Variants in SORBS2 observed in about 807,000 individuals in gnomAD.
The protein encoded by SORBS2 is sorbin and SH3 domain containing 2, also known as sorbin and SH3 domain-containing protein 2.
SORBS2 carries 46 observed loss-of-function variants against 97.7 expected under a neutral mutation model. The ratio of observed to expected loss-of-function variants is 0.47; its 90% confidence interval spans 0.37 to 0.60. The LOEUF is 0.60. Among genes scored for constraint, SORBS2 ranks in the 20% least tolerant of loss-of-function variants. The pLI is 0.00. For synonymous variants in SORBS2, 476 were observed against 473.4 expected, an observed-to-expected ratio of 1.01 and a Z score of -0.07; for missense variants, 1,316 against 1,282.3, an observed-to-expected ratio of 1.03 and a Z score of -0.40.
At chr4:185,785,281 T>C (rs80179122) in intron 1 of SORBS2, among the ~76,000 whole-genome samples, 2,262 of 152,020 alleles carry the variant, frequency 0.015, 21 homozygotes, top group Admixed American at 0.026. Flanking sequence ...GTGAATGCTG[T>C]CAGTCATAAT....
chr4:185,675,903 G>A (rs912825941), intron 4 of SORBS2, among the ~76,000 whole-genome samples: 2 of 152,056 alleles, frequency 1.3e-5, no homozygotes, highest in African/African-American at 2.4e-5. Flanking sequence ...TTTAAGGCTC[G>A]TCTGCTTTAT....
intron 1 of SORBS2, among the ~76,000 whole-genome samples, chr4:185,897,069 C>T (rs1051078470): frequency 6.6e-6 from 1 of 151,966 alleles, no homozygotes; most frequent in African/African-American, 2.4e-5. Flanking sequence ...CTCACTTCTG[C>T]CTTCCGGTTC....
intron 1 of SORBS2, among the ~76,000 whole-genome samples, chr4:185,788,508 A>G (rs1467025010): frequency 1.3e-5 from 2 of 152,332 alleles, no homozygotes; most frequent in East Asian, 3.9e-4. Context: ...AGATAATTAG[A>G]AAAATGACTT....
intron 1 of SORBS2, among the ~76,000 whole-genome samples, chr4:185,914,102 T>C (rs2099256797): frequency 6.6e-6 from 1 of 152,254 alleles, no homozygotes; most frequent in Non-Finnish European, 1.5e-5. Flanking sequence ...AATTCCATGA[T>C]TCTATACCTG....
chr4:185,955,736 G>A (rs1262754407), intron 1 of SORBS2, among the ~76,000 whole-genome samples: 1 of 152,080 alleles, frequency 6.6e-6, no homozygotes, highest in Admixed American at 6.5e-5. Context: ...TGTGTCCTAA[G>A]GTAGAAGAAT....
intron 4 of SORBS2, among the ~76,000 whole-genome samples, chr4:185,664,873 A>C (rs2097574245): frequency 6.6e-6 from 1 of 152,180 alleles, no homozygotes; most frequent in Admixed American, 6.5e-5. Flanking sequence ...ATCAATTTAA[A>C]AAAAAAATCT....
At chr4:185,949,789 A>G (rs760243190) in intron 1 of SORBS2, among the ~76,000 whole-genome samples, 4 of 152,198 alleles carry the variant, frequency 2.6e-5, no homozygotes, top group South Asian at 2.1e-4. Flanking sequence ...TCTGAGACCT[A>G]TTTGGGAACT....
At chr4:185,708,653 C>T (rs1025574021) in intron 2 of SORBS2, among the ~76,000 whole-genome samples, 28 of 152,078 alleles carry the variant, frequency 1.8e-4, no homozygotes, top group Admixed American at 1.6e-3. Context: ...CCCTTCTTTC[C>T]GCCCTCCGTG....
intron 1 of SORBS2, among the ~76,000 whole-genome samples, chr4:185,916,409 G>C (rs1008841550): frequency 1.3e-5 from 2 of 152,122 alleles, no homozygotes; most frequent in African/African-American, 4.8e-5. Context: ...TGCCTGTCAC[G>C]CCCACAGTTG....
intron 9 of SORBS2, among the ~76,000 whole-genome samples, chr4:185,618,290 ATTCAT>A (rs1304857493): frequency 1.3e-5 from 2 of 152,206 alleles, no homozygotes; most frequent in Non-Finnish European, 2.9e-5. Context: ...TACTTCATTA[ATTCAT>A]TATTGACACA....
At chr4:185,866,029 A>T (rs1213779026) in intron 1 of SORBS2, among the ~76,000 whole-genome samples, 1 of 152,198 alleles carries the variant, frequency 6.6e-6, no homozygotes, top group Non-Finnish European at 1.5e-5. Flanking sequence ...GATATGTACA[A>T]ATTGCCAAAG....
chr4:185,794,679 A>G (rs753436817), intron 1 of SORBS2, among the ~76,000 whole-genome samples: 3 of 151,998 alleles, frequency 2.0e-5, no homozygotes, highest in South Asian at 2.1e-4. Flanking sequence ...AGGAATTTCT[A>G]TAAGTAGAAT....
intron 1 of SORBS2, among the ~76,000 whole-genome samples, chr4:185,829,196 G>C (rs1217146625): frequency 6.6e-6 from 1 of 152,132 alleles, no homozygotes; most frequent in Non-Finnish European, 1.5e-5. Flanking sequence ...TACTCTTGCT[G>C]TTGGGCCCCT....
rs74525926 is a variant in SORBS2, at chr4:185,629,983, C to T, written c.446+566G>A. ...TATCTTGCCTCAATTTCTTTTTTTTCTCTCTCCTTGCCAACTGTGTAAACT... is the reference window on the plus strand; with the variant it reads ...TATCTTGCCTCAATTTCTTTTTTTTTTCTCTCCTTGCCAACTGTGTAAACT... On this transcript the variant is annotated intron_variant, in intron 5 of 14. Transcript: ENST00000418609. Among the ~76,000 whole-genome samples the T allele has an allele frequency of 8.7e-3, 1,326 of 152,116 alleles. 11 individuals carry two copies. Among genetic ancestry groups the T allele is most frequent in the Admixed American group, 0.014 (210 of 15,272 alleles).
chr4:185,665,704 G>GT, intron 4 of SORBS2: 1 of 950,756 alleles, frequency 1.1e-6, no homozygotes, highest in South Asian at 4.8e-5. Context: ...CAAGGAAACG[G>GT]TGGAGGCAAA....
intron 4 of SORBS2, among the ~76,000 whole-genome samples, chr4:185,636,282 A>C (rs1445252948): frequency 6.6e-6 from 1 of 152,190 alleles, no homozygotes; most frequent in African/African-American, 2.4e-5. Flanking sequence ...ATGAGAGAAA[A>C]CATTCCTCCT....
At chr4:185,908,299 A>G (rs1480817773) in intron 1 of SORBS2, among the ~76,000 whole-genome samples, 3 of 100,192 alleles carry the variant, frequency 3.0e-5, no homozygotes, top group African/African-American at 6.5e-5. Flanking sequence ...ATATATATAT[A>G]TATATATATA....
At chr4:185,888,192 C>T (rs1199629443) in intron 1 of SORBS2, among the ~76,000 whole-genome samples, 1 of 152,044 alleles carries the variant, frequency 6.6e-6, no homozygotes, top group Admixed American at 6.6e-5. Flanking sequence ...CCCAAAGATA[C>T]ATCTATATAC....
intron 2 of SORBS2, among the ~76,000 whole-genome samples, chr4:185,701,777 T>A (rs2098266295): frequency 6.7e-6 from 1 of 148,940 alleles, no homozygotes; most frequent in African/African-American, 2.5e-5. Context: ...ATTTCTTTCT[T>A]TTTTTTTTTT....
Sources: allele counts gnomAD v4.1 joint callset (sites outside exome capture counted in the v4.1 genomes callset), GRCh38; gene constraint gnomAD v4.1.1; transcripts MANE v1.5; gene names NCBI Gene and HGNC (gene_info 2026-07-23, HGNC 2026-07-21).